The following PALS2 variants were observed in gnomAD, a reference collection of about 807,000 sequenced individuals.
The protein encoded by PALS2 is protein PALS2.
A neutral mutation model predicts 61.6 loss-of-function variants in PALS2; 27 were observed. The ratio of observed to expected loss-of-function variants is 0.44; its 90% CI spans 0.32 to 0.60. The LOEUF is 0.60. Among genes scored for constraint, PALS2 ranks in the 20% least tolerant of loss-of-function variants. The probability of loss-of-function intolerance (pLI) is 0.05; values close to 1 mark genes in which losing one functional copy is unlikely to be tolerated. For missense variants in PALS2, 554 were observed against 639.4 expected, an observed-to-expected ratio of 0.87 and a Z score of 1.44; for synonymous variants, 236 against 218.6, an observed-to-expected ratio of 1.08 and a Z score of -0.70.
At chr7:24,650,870 AT>A (rs1473490561) in intron 5 of PALS2, among the ~76,000 whole-genome samples, 158 bp downstream of exon 5, 1 of 152,176 alleles carries the variant, frequency 6.6e-6, no homozygotes, top group African/African-American at 2.4e-5. Context: ...GAATTTTTGA[AT>A]TTTTAAACAA....
At chr7:24,686,168 A>G (rs764524774) in intron 11 of PALS2, among the ~76,000 whole-genome samples, 80 of 152,200 alleles carry the variant, frequency 5.3e-4, no homozygotes, top group Non-Finnish European at 9.6e-4. Context: ...CAAATCCTGG[A>G]TGATGTAAAA....
chr7:24,646,230 T>C (rs1003922162), intron 3 of PALS2, among the ~76,000 whole-genome samples: 12 of 152,188 alleles, frequency 7.9e-5, no homozygotes, highest in Non-Finnish European at 1.6e-4. Context: ...TGTCTTGTGC[T>C]GGTTTTCAAG....
chr7:24,615,597 A>G (rs1784267221), intron 1 of PALS2, among the ~76,000 whole-genome samples: 1 of 151,994 alleles, frequency 6.6e-6, no homozygotes, highest in South Asian at 2.1e-4. Context: ...TCAGTAATAA[A>G]AAAAAAGACT....
At chr7:24,638,872 A>T (rs948576911) in intron 2 of PALS2, among the ~76,000 whole-genome samples, 4 of 152,190 alleles carry the variant, frequency 2.6e-5, no homozygotes, top group African/African-American at 9.7e-5. Flanking sequence ...GTCATTGATC[A>T]TTTCTGTTCC....
intron 8 of PALS2, among the ~76,000 whole-genome samples, chr7:24,667,505 C>T (rs953834978): frequency 6.6e-6 from 1 of 151,996 alleles, no homozygotes; most frequent in Non-Finnish European, 1.5e-5. Context: ...TCCTGTCCTC[C>T]GTATTTGCTA....
chr7:24,589,543 G>A (rs1029945025), intron 1 of PALS2: 1 of 152,140 alleles, frequency 6.6e-6, no homozygotes, highest in Admixed American at 6.5e-5. Flanking sequence ...TTAAGTGTGT[G>A]AAGAGACTAC....
intron 2 of PALS2, among the ~76,000 whole-genome samples, chr7:24,639,126 A>C (rs917001551): frequency 4.6e-5 from 7 of 152,246 alleles, no homozygotes; most frequent in Non-Finnish European, 7.3e-5. Context: ...ATCAGCAACA[A>C]CTAAATTAGA....
chr7:24,591,091 G>C (rs1176080683), intron 1 of PALS2, among the ~76,000 whole-genome samples: 1 of 151,824 alleles, frequency 6.6e-6, no homozygotes, highest in Admixed American at 6.6e-5. Context: ...TTACATACCT[G>C]TTTTGTCATT....
rs1783228932 is a variant in PALS2 at position 24,590,146 on chromosome 7, ACTT to A, written c.-3+16557_-3+16559del. On this transcript the variant is annotated intron_variant, in intron 1 of 11. Transcript: ENST00000222644. ...TAAAAGAATATTTAAGTGCGCACAG[ACTT>A]CTTGAGGGAGGCCCAGAGAAAGTCC... 2.0e-5 allele frequency among the ~76,000 whole-genome samples: 3 copies of A among 152,286 alleles called. No individual in the cohort carries two copies. The South Asian group carries it at 6.2e-4, about 32-fold the overall frequency.
chr7:24,615,503 T>A (rs1309575008), intron 1 of PALS2, among the ~76,000 whole-genome samples: 1 of 151,830 alleles, frequency 6.6e-6, no homozygotes, highest in Non-Finnish European at 1.5e-5. Flanking sequence ...AGATAATAAA[T>A]TCCTGGACAT....
chr7:24,644,511 T>A (rs1376380477), intron 3 of PALS2, among the ~76,000 whole-genome samples: 1 of 144,378 alleles, frequency 6.9e-6, no homozygotes, highest in Non-Finnish European at 1.5e-5. Context: ...TGTGTGTGTA[T>A]ATATATATAT....
chr7:24,643,028 C>G (rs1398054248), intron 3 of PALS2, among the ~76,000 whole-genome samples: 1 of 152,042 alleles, frequency 6.6e-6, no homozygotes, highest in African/African-American at 2.4e-5. Context: ...TAAAGACTTT[C>G]AAGTTTTAAT....
chr7:24,611,262 C>T (rs1003473339), intron 1 of PALS2, among the ~76,000 whole-genome samples: 1 of 151,976 alleles, frequency 6.6e-6, no homozygotes, highest in African/African-American at 2.4e-5. Flanking sequence ...GGAAGTATTA[C>T]CGTAAAAGCT....
intron 3 of PALS2, among the ~76,000 whole-genome samples, chr7:24,646,025 G>A (rs764300061): frequency 3.9e-5 from 6 of 151,922 alleles, no homozygotes; most frequent in Admixed American, 6.6e-5. Context: ...ATCCTTGGCT[G>A]AAGTTATCAG....
rs1348721200 is a variant in PALS2 at position 24,688,489 on chromosome 7, T to G, written c.*875T>G. The G allele has an allele frequency of 6.6e-6, 1 of 152,140 alleles. No individual in the cohort carries two copies. The highest frequency in any genetic ancestry group is 2.4e-5 in the African/African-American group (1 of 41,444). The allele number at this position is 152,140 out of a possible 1,614,324, so 9.4% of individuals were successfully genotyped here. On this transcript the variant is annotated 3_prime_UTR_variant, in exon 12 of 12. Coordinates refer to ENST00000222644, the MANE Select transcript of PALS2 (RefSeq NM_001303037.2). ...TGACTGACAAAAGGAACCTACTACT[T>G]TAAACAATGGTTTTATTAGAACATG... is the stretch of plus-strand genomic sequence containing the variant.
At chr7:24,672,402 T>G (rs1485336948) in intron 9 of PALS2, among the ~76,000 whole-genome samples, 3 of 151,842 alleles carry the variant, frequency 2.0e-5, no homozygotes, top group Admixed American at 2.0e-4. Flanking sequence ...TAATTTTTTT[T>G]GTATTTTTAG....
intron 2 of PALS2, among the ~76,000 whole-genome samples, chr7:24,630,122 A>G (rs1455735269): frequency 6.6e-6 from 1 of 152,222 alleles, no homozygotes; most frequent in East Asian, 1.9e-4. Context: ...TGTGGCACAT[A>G]TACACCATGG....
At chr7:24,584,376 T>C (rs1782974524) in intron 1 of PALS2, among the ~76,000 whole-genome samples, 3 of 151,050 alleles carry the variant, frequency 2.0e-5, no homozygotes, top group African/African-American at 7.3e-5. Context: ...AGATGGTATC[T>C]CATTGTGGTT....
intron 2 of PALS2, among the ~76,000 whole-genome samples, chr7:24,634,807 G>A (rs1562629322): frequency 6.6e-6 from 1 of 152,104 alleles, no homozygotes; most frequent in Non-Finnish European, 1.5e-5. Flanking sequence ...TGGTGTTTCA[G>A]CACCATTTGT....
Sources: allele counts gnomAD v4.1 joint callset (sites outside exome capture counted in the v4.1 genomes callset), GRCh38; gene constraint gnomAD v4.1.1; transcripts MANE v1.5; gene names NCBI Gene and HGNC (gene_info 2026-07-23, HGNC 2026-07-21).